SVIL: variants seen among roughly 807,000 people sequenced by gnomAD.
SVIL encodes the protein archvillin.
Under a neutral mutation model 240.4 loss-of-function variants are expected in SVIL, and 101 were observed. The ratio of observed to expected loss-of-function variants is 0.42; its 90% CI spans 0.36 to 0.50. SVIL has a LOEUF of 0.50. Among genes scored for constraint, SVIL ranks in the 20% least tolerant of loss-of-function variants. The probability of loss-of-function intolerance (pLI) is 0.01; values close to 1 mark genes in which losing one functional copy is unlikely to be tolerated. For missense variants in SVIL, 2,512 were observed against 2,818.7 expected (o/e 0.89, Z 2.46); for synonymous variants, 999 against 1,100.0 (o/e 0.91, Z 1.82).
Position 29,601,868 on chromosome 10 carries a change from T to A in SVIL, c.-201+32552A>T, listed in dbSNP as rs114341522. Among the ~76,000 whole-genome samples, 863 of 152,290 alleles carry A rather than the reference T, an allele frequency of 5.7e-3. 8 individuals carry two copies. The highest frequency in any genetic ancestry group is 0.02 in the African/African-American group (813 of 41,562). ...CTCAGCACCGGTTACCTCTTTCCTC[T>A]CCCTCTCTCTTTCTTCTCTTCCTCA... On this transcript the variant is annotated intron_variant, in intron 1 of 37. Coordinates refer to ENST00000355867, the MANE Select transcript of SVIL (RefSeq NM_021738.3).
At chr10:29,480,499 CCT>C (rs761570649) in intron 29 of SVIL, 36 bp downstream of exon 29, 1 of 1,604,084 alleles carries the variant, frequency 6.2e-7, no homozygotes, top group Admixed American at 1.7e-5. Context: ...GCCGGGCCAG[CCT>C]CTTTCAGCTG....
chr10:29,628,031 T>G (rs1414769195), intron 1 of SVIL, among the ~76,000 whole-genome samples: 1 of 152,228 alleles, frequency 6.6e-6, no homozygotes, highest in Non-Finnish European at 1.5e-5. Context: ...AGATGTCTGA[T>G]GCAATATTTG....
chr10:29,613,916 A>G (rs1957340986), intron 1 of SVIL, among the ~76,000 whole-genome samples: 1 of 152,224 alleles, frequency 6.6e-6, no homozygotes, highest in Non-Finnish European at 1.5e-5. Flanking sequence ...CGAACTCATC[A>G]GTAAGAAAGT....
intron 17 of SVIL, among the ~76,000 whole-genome samples, chr10:29,507,012 A>T (rs1441925512): frequency 6.6e-6 from 1 of 152,094 alleles, no homozygotes; most frequent in Non-Finnish European, 1.5e-5. Context: ...TTTTCATGTT[A>T]TTCACCCACA....
intron 17 of SVIL, chr10:29,507,782 A>C: frequency 2.0e-6 from 2 of 985,450 alleles, no homozygotes; most frequent in Non-Finnish European, 2.4e-6. Flanking sequence ...CAGCAGGAAT[A>C]GCAGGAGAAT....
chr10:29,468,744 T>A (rs963512924), intron 32 of SVIL, among the ~76,000 whole-genome samples: 1 of 152,062 alleles, frequency 6.6e-6, no homozygotes, highest in Non-Finnish European at 1.5e-5. Context: ...GAAAAGCAAT[T>A]CTTACTCATG....
intron 1 of SVIL, among the ~76,000 whole-genome samples, chr10:29,713,787 A>G (rs1963445105): frequency 6.6e-6 from 1 of 152,234 alleles, no homozygotes; most frequent in South Asian, 2.1e-4. Flanking sequence ...ATACTCCAAT[A>G]TACTTGAAGC....
chr10:29,470,314 C>A lies in SVIL; in HGVS notation c.5805G>T (p.Lys1935Asn). The A allele has an allele frequency of 6.2e-7, 1 of 1,614,218 alleles. No homozygotes were observed. The highest frequency in any genetic ancestry group is 8.5e-7 in the Non-Finnish European group (1 of 1,180,036). The change falls in exon 32 of 38, where the codon AAG becomes AAT. Residue 1935 changes from lysine to asparagine, a missense_variant. Lys to Asn is a moderately conservative substitution (Grantham distance 94). Coordinates refer to ENST00000355867, the MANE Select transcript of SVIL (RefSeq NM_021738.3). ...WHGCKAQAHT[K>N]EVGRTAANKI... is the part of the protein sequence containing the mutation. ...TGTTCGCAGCGGTCCTTCCGACCTC[C>A]TTCGTGTGGGCCTGGGCTTTGCATC...
chr10:29,493,231 G>T lies in SVIL; in HGVS notation c.4002C>A (p.Phe1334Leu), dbSNP rs779286617. 1.2e-6 allele frequency: 2 copies of T among 1,613,912 alleles called. No homozygotes were observed. Among genetic ancestry groups the T allele is most frequent in the African/African-American group, 2.7e-5 (2 of 74,906 alleles). Residue 1334 changes from phenylalanine to leucine, a missense_variant, in exon 21 of 38, where the codon TTC becomes TTA. Coordinates refer to ENST00000355867, the MANE Select transcript of SVIL (RefSeq NM_021738.3). ...VEMDEDFDVI[F>L]DPYAPKLTSS... is the part of the protein sequence containing the mutation. ...TAACTCACTTGGGTGCATAAGGATCGAAAATGACATCGAAGTCCTCATCCA... is the reference window on the plus strand; with the variant it reads ...TAACTCACTTGGGTGCATAAGGATCTAAAATGACATCGAAGTCCTCATCCA...
At chr10:29,467,959 C>A in intron 32 of SVIL, 84 bp from the exon 33 acceptor site, 1 of 1,383,704 alleles carries the variant, frequency 7.2e-7, no homozygotes. Flanking sequence ...ATGATAACAG[C>A]TTTATAATAG....
chr10:29,465,062 C>T (rs1307256324), intron 34 of SVIL, among the ~76,000 whole-genome samples: 1 of 152,184 alleles, frequency 6.6e-6, no homozygotes, highest in African/African-American at 2.4e-5. Flanking sequence ...TCCCCAGGCT[C>T]CCTTGCAGCT....
chr10:29,603,514 C>A (rs1298054406), intron 1 of SVIL, among the ~76,000 whole-genome samples: 1 of 139,532 alleles, frequency 7.2e-6, no homozygotes, highest in African/African-American at 2.5e-5. Context: ...TGAAACAGCT[C>A]TGGCTCCCAA....
intron 16 of SVIL, among the ~76,000 whole-genome samples, chr10:29,519,027 G>A (rs945233425): frequency 6.6e-6 from 1 of 152,098 alleles, no homozygotes; most frequent in African/African-American, 2.4e-5. Context: ...TCCTTAGTGG[G>A]GACAGGCATT....
chr10:29,679,559 C>CA (rs1554893203), intron 2 of SVIL, among the ~76,000 whole-genome samples: 2 of 140,828 alleles, frequency 1.4e-5, no homozygotes, highest in African/African-American at 2.6e-5. Context: ...TTTTCTTTTC[C>CA]TTTTTTTTTT....
At chr10:29,633,022 A>T (rs1382984964) in intron 1 of SVIL, among the ~76,000 whole-genome samples, 1 of 152,152 alleles carries the variant, frequency 6.6e-6, no homozygotes, top group Non-Finnish European at 1.5e-5. Flanking sequence ...TCACGAGGTC[A>T]GGAGTTCAAG....
At chr10:29,656,686 AC>A (rs1218585159) in intron 3 of SVIL, among the ~76,000 whole-genome samples, 1 of 152,118 alleles carries the variant, frequency 6.6e-6, no homozygotes, top group African/African-American at 2.4e-5. Flanking sequence ...CTGTTTTCCC[AC>A]ACATGATTAC....
At position 29,554,807 on chromosome 10, in the gene SVIL, T is replaced by TG; in HGVS notation, c.135dup (p.Ser46GlnfsTer13). On this transcript the variant is annotated frameshift_variant, in exon 5 of 38. Coordinates refer to ENST00000355867, the MANE Select transcript of SVIL (RefSeq NM_021738.3). LOFTEE classifies it high-confidence loss of function. ...CCGATGTGGGGGCTGGCAGGGTCGC[T>TG]GGCTCTCATGTATCGAGGGGTGTCT... 1 of 1,608,236 alleles carries TG rather than the reference T, an allele frequency of 6.2e-7. No homozygotes were observed. Among genetic ancestry groups the TG allele is most frequent in the Non-Finnish European group, 8.5e-7 (1 of 1,177,312 alleles).
intron 1 of SVIL, among the ~76,000 whole-genome samples, chr10:29,699,632 A>G (rs1962351501): frequency 6.6e-6 from 1 of 152,222 alleles, no homozygotes; most frequent in South Asian, 2.1e-4. Flanking sequence ...AAGATAGCTC[A>G]GGACACGCTG....
intron 1 of SVIL, among the ~76,000 whole-genome samples, chr10:29,569,664 C>A (rs1955283472): frequency 6.6e-6 from 1 of 152,088 alleles, no homozygotes. Flanking sequence ...CTAAATAAGG[C>A]AGCTATATAC....
Sources: gnomAD v4.1 joint callset for allele counts (sites outside exome capture counted in the v4.1 genomes callset) on GRCh38, gnomAD v4.1.1 for gene constraint, MANE v1.5 for transcripts, NCBI Gene and HGNC (gene_info 2026-07-23, HGNC 2026-07-21) for gene names.